SGCZ: variants seen among roughly 807,000 people sequenced by gnomAD.
The protein encoded by SGCZ is sarcoglycan zeta.
Under a neutral mutation model 41.3 loss-of-function variants are expected in SGCZ, and 40 were observed. That is an observed-to-expected ratio of 0.97 (90% CI 0.75 to 1.26). The LOEUF (loss-of-function observed/expected upper bound fraction) is 1.26. SGCZ is among the 50% of genes most tolerant of loss of function. The pLI is 0.00. For synonymous variants in SGCZ, 206 were observed against 137.5 expected (o/e 1.50, Z -3.49); for missense variants, 552 against 369.8 (o/e 1.49, Z -4.04).
intron 1 of SGCZ, among the ~76,000 whole-genome samples, chr8:14,839,843 C>T (rs1802838573): frequency 6.6e-6 from 1 of 152,112 alleles, no homozygotes; most frequent in Non-Finnish European, 1.5e-5. Context: ...GTCTTATTTA[C>T]TTTCATTGAC....
At chr8:15,017,268 C>T (rs1002442108) in intron 1 of SGCZ, among the ~76,000 whole-genome samples, 4 of 152,000 alleles carry the variant, frequency 2.6e-5, no homozygotes, top group South Asian at 4.2e-4. Flanking sequence ...ATATAGGATT[C>T]GATAATGCAT....
chr8:14,316,621 C>T (rs1356297997), intron 3 of SGCZ, among the ~76,000 whole-genome samples: 2 of 151,972 alleles, frequency 1.3e-5, no homozygotes, highest in Admixed American at 6.6e-5. Flanking sequence ...TTTCTTCTCT[C>T]TTTCCAGGAT....
rs540247674 is a variant in SGCZ at position 14,766,596 on chromosome 8, C to G, written c.40-211670G>C. On this transcript the variant is annotated intron_variant, in intron 1 of 7. Transcript: ENST00000382080. ...TTTCTTCTTTAGACAGTGTTTCATT[C>G]TGTCACCCAGGCTGGAGTGCAGTAC... 2.6e-5 allele frequency among the ~76,000 whole-genome samples: 4 copies of G among 152,006 alleles called. No individual in the cohort carries two copies. The East Asian group carries it at 5.8e-4, about 22-fold the overall frequency.
chr8:14,576,150 G>A (rs1328382383), intron 1 of SGCZ, among the ~76,000 whole-genome samples: 1 of 152,128 alleles, frequency 6.6e-6, no homozygotes, highest in Admixed American at 6.5e-5. Flanking sequence ...TGTGAGATTT[G>A]TGCTTTAGGT....
intron 4 of SGCZ, among the ~76,000 whole-genome samples, chr8:14,227,241 A>C (rs7834539): frequency 6.6e-6 from 1 of 151,584 alleles, no homozygotes; most frequent in African/African-American, 2.4e-5. Context: ...TATGGCAAAA[A>C]AAATGTAAGA....
intron 1 of SGCZ, among the ~76,000 whole-genome samples, chr8:14,683,876 C>T (rs147654989): frequency 1.3e-5 from 2 of 152,238 alleles, no homozygotes; most frequent in East Asian, 3.9e-4. Flanking sequence ...CTGATACACA[C>T]TTAAACGTAC....
intron 1 of SGCZ, among the ~76,000 whole-genome samples, chr8:14,976,807 C>G (rs1801493579): frequency 6.6e-6 from 1 of 152,206 alleles, no homozygotes; most frequent in African/African-American, 2.4e-5. Context: ...ATGTGTACTG[C>G]TTCCATTCTG....
chr8:14,437,419 T>C (rs1214475160), intron 2 of SGCZ, among the ~76,000 whole-genome samples: 2 of 152,116 alleles, frequency 1.3e-5, no homozygotes, highest in East Asian at 1.9e-4. Context: ...CAAAACATCA[T>C]ATTGCAATAG....
chr8:15,110,386 C>T (rs1412893011), intron 1 of SGCZ, among the ~76,000 whole-genome samples: 3 of 152,292 alleles, frequency 2.0e-5, no homozygotes, highest in East Asian at 3.9e-4. Context: ...ATCATCTGGT[C>T]GTTCCTATAA....
chr8:14,878,985 C>G (rs1308148123), intron 1 of SGCZ: 1 of 152,074 alleles, frequency 6.6e-6, no homozygotes, highest in Admixed American at 6.6e-5. Flanking sequence ...ATTACTCATA[C>G]TTGTAATCAA....
intron 1 of SGCZ, among the ~76,000 whole-genome samples, chr8:14,684,341 T>C (rs1808539198): frequency 6.6e-6 from 1 of 152,176 alleles, no homozygotes; most frequent in South Asian, 2.1e-4. Flanking sequence ...AACCAAATCA[T>C]GTATTGAAAA....
intron 1 of SGCZ, among the ~76,000 whole-genome samples, chr8:14,986,052 A>G (rs1209342297): frequency 1.4e-5 from 2 of 145,014 alleles, no homozygotes; most frequent in African/African-American, 5.1e-5. Flanking sequence ...GATATTATGC[A>G]TTACAGTAAA....
At position 14,309,428 on chromosome 8, in the gene SGCZ, C is replaced by G. The variant is rs948818087; in HGVS notation, c.336+14675G>C. The G allele has an allele frequency of 9.3e-6, 15 of 1,606,670 alleles. No homozygotes were observed. The African/African-American group carries it at 1.9e-4, about 20-fold the overall frequency. ...CTTTTGGCTAGAGACACTTCTGTGC[C>G]TTATTGGACAATCTTCTGATGACTG... On this transcript the variant is annotated intron_variant, in intron 3 of 7. Transcript: ENST00000382080.
chr8:14,310,482 T>C (rs992347937), intron 3 of SGCZ, among the ~76,000 whole-genome samples: 2 of 152,164 alleles, frequency 1.3e-5, no homozygotes, highest in Non-Finnish European at 2.9e-5. Flanking sequence ...CTAACTAGAA[T>C]TAGTATGTCT....
chr8:15,034,871 A>C (rs564909301), intron 1 of SGCZ, among the ~76,000 whole-genome samples: 7 of 152,320 alleles, frequency 4.6e-5, no homozygotes, highest in Middle Eastern at 6.8e-3. Context: ...TATTCTTCAG[A>C]CATTAAGGAC....
intron 1 of SGCZ, among the ~76,000 whole-genome samples, chr8:15,208,708 C>G (rs1801147328): frequency 6.6e-6 from 1 of 152,038 alleles, no homozygotes; most frequent in Non-Finnish European, 1.5e-5. Context: ...ATAGCTATGA[C>G]AGTATTTGCT....
chr8:15,095,490 T>C (rs866763765), intron 1 of SGCZ, among the ~76,000 whole-genome samples: 1 of 152,250 alleles, frequency 6.6e-6, no homozygotes, highest in African/African-American at 2.4e-5. Flanking sequence ...TTGTATCTTT[T>C]CCTTGTAATG....
chr8:14,129,691 T>TA (rs1002964453), intron 5 of SGCZ, among the ~76,000 whole-genome samples: 9 of 151,326 alleles, frequency 5.9e-5, no homozygotes, highest in East Asian at 1.9e-4. Flanking sequence ...TATACGTCAT[T>TA]AAAAAAAATC....
At chr8:14,987,779 C>G (rs940608192) in intron 1 of SGCZ, among the ~76,000 whole-genome samples, 1 of 151,908 alleles carries the variant, frequency 6.6e-6, no homozygotes, top group African/African-American at 2.4e-5. Context: ...CATAATTAAC[C>G]CAAACGGAGG....
Sources: allele counts gnomAD v4.1 joint callset (sites outside exome capture counted in the v4.1 genomes callset), GRCh38; gene constraint gnomAD v4.1.1; transcripts MANE v1.5; gene names NCBI Gene and HGNC (gene_info 2026-07-23, HGNC 2026-07-21).